RALA: variants seen among roughly 807,000 people sequenced by gnomAD.
The protein encoded by RALA is ras-related protein Ral-A.
In RALA, 5 loss-of-function variants were observed where a neutral mutation model predicts 24.0. The observed-to-expected ratio is 0.21, with a 90% CI of 0.11 to 0.44. The LOEUF (loss-of-function observed/expected upper bound fraction) is 0.44, where lower values mean the gene tolerates loss of function less well. Ranked by LOEUF, RALA falls within the 20% of genes least tolerant of loss-of-function variation. The pLI is 0.99. For missense variants in RALA, 95 were observed against 241.2 expected, an observed-to-expected ratio of 0.39 and a Z score of 4.01; for synonymous variants, 77 against 83.8, an observed-to-expected ratio of 0.92 and a Z score of 0.44.
chr7:39,632,914 C>T (rs781432772), intron 1 of RALA, among the ~76,000 whole-genome samples: 1 of 152,156 alleles, frequency 6.6e-6, no homozygotes, highest in Non-Finnish European at 1.5e-5. Context: ...TAGGAAAATA[C>T]GGTGTTTAGC....
At chr7:39,699,132 T>TG (rs1279201424) in intron 4 of RALA, among the ~76,000 whole-genome samples, 9 of 114,290 alleles carry the variant, frequency 7.9e-5, no homozygotes, top group African/African-American at 3.0e-4. Context: ...TTTTTTTTTT[T>TG]TTTTTTTTTT....
At chr7:39,687,615 T>C (rs1262813566) in intron 2 of RALA, among the ~76,000 whole-genome samples, 6 of 152,186 alleles carry the variant, frequency 3.9e-5, no homozygotes, top group African/African-American at 1.2e-4. Flanking sequence ...AGCCTATATA[T>C]AGCAATATAG....
intron 1 of RALA, among the ~76,000 whole-genome samples, chr7:39,632,974 T>G (rs1791622793): frequency 6.6e-6 from 1 of 152,216 alleles, no homozygotes; most frequent in Non-Finnish European, 1.5e-5. Flanking sequence ...CCCTGAGTTT[T>G]CTTGCTTCTC....
chr7:39,641,408 A>C (rs1791814822), intron 1 of RALA, among the ~76,000 whole-genome samples: 1 of 152,148 alleles, frequency 6.6e-6, no homozygotes, highest in South Asian at 2.1e-4. Flanking sequence ...CCTCCCAAGG[A>C]AGGGAGGGGA....
chr7:39,679,442 C>T (rs1003813043), intron 1 of RALA, among the ~76,000 whole-genome samples: 16 of 152,212 alleles, frequency 1.1e-4, no homozygotes, highest in Non-Finnish European at 2.2e-4. Context: ...GTGGATAAAA[C>T]GTTATCCCAG....
intron 1 of RALA, among the ~76,000 whole-genome samples, chr7:39,650,096 A>G (rs1284534343): frequency 6.6e-6 from 1 of 152,186 alleles, no homozygotes; most frequent in African/African-American, 2.4e-5. Flanking sequence ...ATACATTTGA[A>G]TCCAGTAGAG....
chr7:39,660,278 A>G (rs1381456622), intron 1 of RALA, among the ~76,000 whole-genome samples: 2 of 151,780 alleles, frequency 1.3e-5, no homozygotes, highest in African/African-American at 4.8e-5. Context: ...CCCAGGAGGC[A>G]GAGGTTGCAG....
chr7:39,650,753 G>A (rs949443864), intron 1 of RALA, among the ~76,000 whole-genome samples: 5 of 152,216 alleles, frequency 3.3e-5, no homozygotes, highest in Non-Finnish European at 7.3e-5. Context: ...GGTCAGCAAT[G>A]TGAAAGCAGC....
intron 1 of RALA, among the ~76,000 whole-genome samples, chr7:39,651,891 A>G (rs1792024176): frequency 6.6e-6 from 1 of 152,214 alleles, no homozygotes; most frequent in Admixed American, 6.5e-5. Flanking sequence ...ACTATGATGA[A>G]TAATGTTACA....
intron 1 of RALA, among the ~76,000 whole-genome samples, chr7:39,638,325 A>AG (rs1342897488): frequency 6.6e-6 from 1 of 152,178 alleles, no homozygotes; most frequent in African/African-American, 2.4e-5. Context: ...GGATCTTCAT[A>AG]AATTTGCCCT....
At chr7:39,638,872 G>A (rs1190327985) in intron 1 of RALA, among the ~76,000 whole-genome samples, 1 of 152,186 alleles carries the variant, frequency 6.6e-6, no homozygotes, top group African/African-American at 2.4e-5. Flanking sequence ...CATTTCTCAT[G>A]TATATATACT....
At chr7:39,638,564 T>C (rs1466281942) in intron 1 of RALA, among the ~76,000 whole-genome samples, 4 of 152,048 alleles carry the variant, frequency 2.6e-5, no homozygotes, top group Non-Finnish European at 4.4e-5. Flanking sequence ...CACCTCAGCC[T>C]CCCAAGTAGC....
chr7:39,629,572 G>A (rs367975150), intron 1 of RALA, among the ~76,000 whole-genome samples: 306 of 151,878 alleles, frequency 2.0e-3, no homozygotes, highest in African/African-American at 6.5e-3. Flanking sequence ...ACGCCACCAC[G>A]CCTAGCACGT....
intron 1 of RALA, among the ~76,000 whole-genome samples, chr7:39,672,073 T>C (rs573793469): frequency 1.3e-5 from 2 of 152,136 alleles, no homozygotes; most frequent in Admixed American, 1.3e-4. Context: ...TCAAACATTT[T>C]TGAGACACCA....
intron 1 of RALA, among the ~76,000 whole-genome samples, chr7:39,666,211 CA>C (rs919474589): frequency 6.6e-6 from 1 of 150,816 alleles, no homozygotes; most frequent in African/African-American, 2.4e-5. Context: ...AGTAAAAATT[CA>C]AAAAAAATGT....
At chr7:39,657,025 T>C (rs1336481782) in intron 1 of RALA, among the ~76,000 whole-genome samples, 1 of 152,176 alleles carries the variant, frequency 6.6e-6, no homozygotes, top group African/African-American at 2.4e-5. Context: ...TGGAGTGCAG[T>C]GGTGTGATCT....
chr7:39,678,961 C>T (rs1347074751), intron 1 of RALA, among the ~76,000 whole-genome samples: 1 of 151,650 alleles, frequency 6.6e-6, no homozygotes, highest in East Asian at 1.9e-4. Context: ...CTTGTGTTAC[C>T]ATTTTAAAAA....
chr7:39,625,864 C>G (rs1791476980), intron 1 of RALA, among the ~76,000 whole-genome samples: 1 of 152,138 alleles, frequency 6.6e-6, no homozygotes, highest in Non-Finnish European at 1.5e-5. Flanking sequence ...GGTGGTGGTC[C>G]TGCACTGTTT....
chr7:39,686,876 C>A, intron 2 of RALA, 95 bp downstream of exon 2: 1 of 868,824 alleles, frequency 1.2e-6, no homozygotes, highest in Non-Finnish European at 1.8e-6. Context: ...TTGTTTGAAT[C>A]CTTGAAATTA....
Sources: allele counts gnomAD v4.1 joint callset (sites outside exome capture counted in the v4.1 genomes callset), GRCh38; gene constraint gnomAD v4.1.1; transcripts MANE v1.5; gene names NCBI Gene and HGNC (gene_info 2026-07-23, HGNC 2026-07-21).